The following SCAF8 variants were observed in gnomAD, a reference collection of about 807,000 sequenced individuals.
The protein encoded by SCAF8 is SR-related and CTD-associated factor 8.
A neutral mutation model predicts 140.5 loss-of-function variants in SCAF8; 23 were observed. That is an observed-to-expected ratio of 0.16 (90% CI 0.12 to 0.23). The LOEUF (loss-of-function observed/expected upper bound fraction) is 0.23. Ranked by LOEUF, SCAF8 falls within the 10% of genes least tolerant of loss-of-function variation. The pLI is 1.00. For missense variants in SCAF8, 1,397 were observed against 1,555.7 expected, an observed-to-expected ratio of 0.90 and a Z score of 1.72; for synonymous variants, 575 against 528.9, an observed-to-expected ratio of 1.09 and a Z score of -1.20.
Position 154,794,992 on chromosome 6 carries a change from G to A in SCAF8, c.476-17G>A. ...ACTTACATATTTATTTGGGGGGTGT[G>A]ATGTTCTTTTTAAAAGGAACTCCTG... On this transcript the variant is annotated splice_polypyrimidine_tract_variant and intron_variant, in intron 5 of 19. Coordinates refer to ENST00000367178, the MANE Select transcript of SCAF8 (RefSeq NM_014892.5). 6.3e-7 allele frequency: 1 copy of A among 1,581,958 alleles called. No homozygotes were observed. The highest frequency in any genetic ancestry group is 1.2e-5 in the South Asian group (1 of 85,220).
At position 154,805,496 on chromosome 6, in the gene SCAF8, C is replaced by A. The variant is rs760779203; in HGVS notation, c.981+10C>A. 2.0e-6 allele frequency: 3 copies of A among 1,505,476 alleles called. No homozygotes were observed. Among genetic ancestry groups the A allele is most frequent in the Non-Finnish European group, 2.8e-6 (3 of 1,088,250 alleles). 93.3% of individuals were successfully genotyped at this position (1,505,476 alleles called of 1,614,324 possible). A position where few individuals can be genotyped will look rare whatever the true frequency, so the allele number is the denominator to read the frequency against. ...GCAACAGCCTCAAAAGGTTTATAAC[C>A]CCATCTTGTGGTCTTTAGAGTTATT... On this transcript the variant is annotated intron_variant, in intron 9 of 19. Coordinates refer to ENST00000367178, the MANE Select transcript of SCAF8 (RefSeq NM_014892.5).
At chr6:154,753,163 T>C (rs901754934) in intron 1 of SCAF8, among the ~76,000 whole-genome samples, 2 of 152,024 alleles carry the variant, frequency 1.3e-5, no homozygotes, top group South Asian at 2.1e-4. Flanking sequence ...ACCCTGTCTC[T>C]AGTAAAAATA....
Position 154,832,198 on chromosome 6 carries a change from C to G in SCAF8, c.2619C>G (p.Pro873=), listed in dbSNP as rs1481858310. The G allele has an allele frequency of 6.2e-7, 1 of 1,614,012 alleles. No homozygotes were observed. Among genetic ancestry groups the G allele is most frequent in the East Asian group, 2.2e-5 (1 of 44,880 alleles). ...SNSSGLLGVL[P]PNIPNNSGLV... is the part of the protein sequence containing the mutation. ...GTTCTGGACTTTTGGGAGTGCTACC[C>G]CCAAATATACCTAACAATTCTGGAC... The change falls in exon 20 of 20, where the codon CCC becomes CCG. Residue 873 remains proline, a synonymous_variant. Coordinates refer to ENST00000367178, the MANE Select transcript of SCAF8 (RefSeq NM_014892.5).
chr6:154,829,378 T>C (rs1583073601), intron 18 of SCAF8, among the ~76,000 whole-genome samples: 1 of 152,156 alleles, frequency 6.6e-6, no homozygotes, highest in East Asian at 1.9e-4. Flanking sequence ...CTTTTTTCTA[T>C]CATTGGACGT....
At chr6:154,789,540 T>A (rs1777351180) in intron 4 of SCAF8, among the ~76,000 whole-genome samples, 1 of 151,458 alleles carries the variant, frequency 6.6e-6, no homozygotes, top group African/African-American at 2.4e-5. Flanking sequence ...AAAGAATGCT[T>A]CTAATTTTTT....
At position 154,796,622 on chromosome 6, in the gene SCAF8, T is replaced by C. The variant is rs370416999; in HGVS notation, c.606+1483T>C. On this transcript the variant is annotated intron_variant, in intron 6 of 19. Transcript: ENST00000367178. ...GAAATGGTTACCTTTTTCTGTATTC[T>C]GTGCAGTACAACCTGAGTGCTTTCT... 3.3e-5 allele frequency among the ~76,000 whole-genome samples: 5 copies of C among 152,170 alleles called. No individual in the cohort carries two copies. The East Asian group carries it at 9.6e-4, about 29-fold the overall frequency.
In SCAF8 at chr6:154,832,953, C is replaced by G. The variant is rs1391916728; in HGVS notation, c.3374C>G (p.Ser1125Cys). Residue 1125 changes from serine to cysteine, a missense_variant, in exon 20 of 20, where the codon TCT becomes TGT. This residue lies in a region of SCAF8 where 930 missense variants were observed against 874.6 expected (regional missense o/e 1.06). Transcript: ENST00000367178. ...CATGAAGAAAGAGGTAGATTTCGGT[C>G]TGGAAACTATCGATTTGATCCTAGA... ...GLHEERGRFR[S>C]GNYRFDPRSG... The G allele has an allele frequency of 3.1e-6, 5 of 1,613,976 alleles. No individual in the cohort carries two copies. The South Asian group carries it at 5.5e-5, about 18-fold the overall frequency.
intron 9 of SCAF8, among the ~76,000 whole-genome samples, chr6:154,806,142 C>T (rs1165574469): frequency 6.6e-6 from 1 of 152,152 alleles, no homozygotes; most frequent in African/African-American, 2.4e-5. Context: ...AATTTTAAAA[C>T]ATCGATAACT....
At chr6:154,790,785 C>T (rs1583037658) in intron 4 of SCAF8, among the ~76,000 whole-genome samples, 2 of 152,190 alleles carry the variant, frequency 1.3e-5, no homozygotes, top group East Asian at 3.9e-4. Context: ...GCTGGGATTA[C>T]AGGCGTGAGC....
At chr6:154,770,652 G>A (rs918634227) in intron 1 of SCAF8, among the ~76,000 whole-genome samples, 3 of 152,096 alleles carry the variant, frequency 2.0e-5, no homozygotes, top group African/African-American at 7.2e-5. Context: ...TGAACAGATG[G>A]GTGCCTTTAT....
intron 4 of SCAF8, among the ~76,000 whole-genome samples, chr6:154,789,258 G>A (rs1777342257): frequency 6.6e-6 from 1 of 151,684 alleles, no homozygotes. Context: ...ACAGGCGCCC[G>A]CCACCACACT....
intron 1 of SCAF8, among the ~76,000 whole-genome samples, chr6:154,743,793 T>C (rs1395243329): frequency 6.6e-6 from 1 of 152,238 alleles, no homozygotes; most frequent in Non-Finnish European, 1.5e-5. Context: ...TTGAAATATT[T>C]TAAATATATG....
intron 7 of SCAF8, among the ~76,000 whole-genome samples, chr6:154,802,551 A>T (rs1422546836): frequency 6.6e-6 from 1 of 152,074 alleles, no homozygotes; most frequent in Non-Finnish European, 1.5e-5. Flanking sequence ...TGGGAGGTAG[A>T]GGTTGCAGTG....
intron 1 of SCAF8, among the ~76,000 whole-genome samples, chr6:154,742,705 T>G (rs1778601449): frequency 6.6e-6 from 1 of 150,700 alleles, no homozygotes; most frequent in Non-Finnish European, 1.5e-5. Flanking sequence ...AAAATACCTA[T>G]TATAGGTCAG....
intron 12 of SCAF8, among the ~76,000 whole-genome samples, chr6:154,813,388 A>C (rs542094849): frequency 1.3e-5 from 2 of 152,228 alleles, no homozygotes; most frequent in East Asian, 3.9e-4. Context: ...AAGCATGGTG[A>C]TGGTGTGCCT....
In SCAF8 at chr6:154,774,008, A is replaced by C. The variant is rs879737205; in HGVS notation, c.50A>C (p.Tyr17Ser). The C allele has an allele frequency of 6.2e-7, 1 of 1,612,602 alleles. No individual in the cohort carries two copies. The highest frequency in any genetic ancestry group is 8.5e-7 in the Non-Finnish European group (1 of 1,178,670). ...FNSELYSLND[Y>S]KPPISKAKMT... ...CATCAGTTGTATTCCCTGAATGACT[A>C]TAAACCACCCATTTCGAAAGCGAAA... The change falls in exon 2 of 20, where the codon TAT (tyrosine) becomes TCT (serine). Residue 17 changes from tyrosine to serine, a missense_variant. Transcript: ENST00000367178.
chr6:154,736,423 G>A (rs1778423210), intron 1 of SCAF8, among the ~76,000 whole-genome samples: 1 of 151,760 alleles, frequency 6.6e-6, no homozygotes, highest in African/African-American at 2.4e-5. Context: ...GGCACCCACC[G>A]CCATGCCCAG....
intron 1 of SCAF8, among the ~76,000 whole-genome samples, chr6:154,769,567 T>G (rs1477268790): frequency 6.6e-6 from 1 of 152,248 alleles, no homozygotes; most frequent in South Asian, 2.1e-4. Flanking sequence ...GAAAGCTTTT[T>G]ATTTTGATAA....
intron 9 of SCAF8, among the ~76,000 whole-genome samples, chr6:154,806,907 G>A (rs953944686): frequency 6.6e-6 from 1 of 152,156 alleles, no homozygotes; most frequent in Non-Finnish European, 1.5e-5. Flanking sequence ...AAAAAACAAA[G>A]TTGTAACTCA....
Sources: allele counts gnomAD v4.1 joint callset (sites outside exome capture counted in the v4.1 genomes callset), GRCh38; gene constraint gnomAD v4.1.1; regional missense constraint gnomAD v4.1.1; transcripts MANE v1.5; gene names NCBI Gene and HGNC (gene_info 2026-07-23, HGNC 2026-07-21).